The following VMP1 variants were observed in gnomAD, a reference collection of about 807,000 sequenced individuals.
The protein encoded by VMP1 is ectopic P-granules autophagy protein 3 homolog.
VMP1 carries 11 observed loss-of-function variants against 56.0 expected under a neutral mutation model. The ratio of observed to expected loss-of-function variants is 0.20; its 90% CI spans 0.12 to 0.32. VMP1 has a LOEUF of 0.32. Ranked by LOEUF, VMP1 falls within the 10% of genes least tolerant of loss-of-function variation. The pLI is 1.00. For synonymous variants in VMP1, 149 were observed against 165.0 expected (o/e 0.90, Z 0.74); for missense variants, 296 against 490.3 (o/e 0.60, Z 3.74).
chr17:59,714,110 C>G (rs888645650), intron 1 of VMP1, among the ~76,000 whole-genome samples: 10 of 150,366 alleles, frequency 6.7e-5, no homozygotes, highest in Non-Finnish European at 1.3e-4. Context: ...ACCAGAATAC[C>G]CGAAACTGGG....
chr17:59,708,240 A>G (rs935586365), intron 1 of VMP1, among the ~76,000 whole-genome samples: 2 of 152,214 alleles, frequency 1.3e-5, no homozygotes, highest in Non-Finnish European at 2.9e-5. Flanking sequence ...GGTACAGGGT[A>G]GCCAAGGGAA....
intron 1 of VMP1, among the ~76,000 whole-genome samples, chr17:59,720,601 AT>A (rs2034351350): frequency 6.6e-6 from 1 of 152,206 alleles, no homozygotes; most frequent in Admixed American, 6.5e-5. Context: ...ATGATACTGC[AT>A]TTAAAAATAT....
At chr17:59,834,647 C>T (rs986905465) in intron 10 of VMP1, among the ~76,000 whole-genome samples, 8 of 135,672 alleles carry the variant, frequency 5.9e-5, no homozygotes, top group Non-Finnish European at 1.1e-4. Flanking sequence ...TTTTTTGAGA[C>T]GGAGTCTTGC....
intron 5 of VMP1, among the ~76,000 whole-genome samples, chr17:59,742,114 T>TC (rs1221723170): frequency 6.6e-6 from 1 of 152,182 alleles, no homozygotes; most frequent in African/African-American, 2.4e-5. Flanking sequence ...TTAAATGAGA[T>TC]CCTCACTTTA....
intron 5 of VMP1, among the ~76,000 whole-genome samples, chr17:59,744,195 T>G (rs2035333182): frequency 6.6e-6 from 1 of 151,654 alleles, no homozygotes. Context: ...GCGCGGTGGC[T>G]CATGCCTGTA....
intron 7 of VMP1, among the ~76,000 whole-genome samples, chr17:59,805,319 C>A (rs1472799997): frequency 6.6e-6 from 1 of 152,162 alleles, no homozygotes; most frequent in Non-Finnish European, 1.5e-5. Flanking sequence ...AAAATGGCTC[C>A]TTACGTGTTA....
chr17:59,731,823 C>A (rs551031574), intron 2 of VMP1, among the ~76,000 whole-genome samples: 65 of 152,160 alleles, frequency 4.3e-4, no homozygotes, highest in African/African-American at 1.5e-3. Context: ...TTTTGTAATT[C>A]TAGAAGTAGA....
intron 2 of VMP1, among the ~76,000 whole-genome samples, chr17:59,733,965 C>T (rs1183452223): frequency 6.6e-6 from 1 of 152,182 alleles, no homozygotes; most frequent in Admixed American, 6.5e-5. Flanking sequence ...TTGGAACCAA[C>T]TAGTTTGCCT....
chr17:59,735,606 CAT>C (rs2143821483), intron 3 of VMP1, 133 bp downstream of exon 3: 1 of 932,206 alleles, frequency 1.1e-6, no homozygotes, highest in African/African-American at 1.7e-5. Flanking sequence ...ACCATAGGAA[CAT>C]ATTTATTCTC....
At chr17:59,772,327 T>C (rs1354067956) in intron 6 of VMP1, among the ~76,000 whole-genome samples, 1 of 152,162 alleles carries the variant, frequency 6.6e-6, no homozygotes, top group East Asian at 1.9e-4. Flanking sequence ...ATGGATAATG[T>C]AGTTACACGT....
chr17:59,730,274 C>T (rs542879705), intron 1 of VMP1, among the ~76,000 whole-genome samples: 1 of 145,602 alleles, frequency 6.9e-6, no homozygotes, highest in East Asian at 2.0e-4. Flanking sequence ...TTTTCACTTT[C>T]TTTTTTTTTT....
At chr17:59,732,690 C>CTT (rs1254499852) in intron 2 of VMP1, among the ~76,000 whole-genome samples, 1 of 152,194 alleles carries the variant, frequency 6.6e-6, no homozygotes, top group African/African-American at 2.4e-5. Flanking sequence ...ATCATAGTGT[C>CTT]TTCCCATTAG....
chr17:59,733,063 C>T (rs2034893045), intron 2 of VMP1, among the ~76,000 whole-genome samples: 1 of 152,070 alleles, frequency 6.6e-6, no homozygotes, highest in Non-Finnish European at 1.5e-5. Context: ...TAGCTAGCTA[C>T]TCAAGTTCTA....
At chr17:59,784,142 T>A (rs2665391) in intron 7 of VMP1, among the ~76,000 whole-genome samples, 80,367 of 130,284 alleles carry the variant, frequency 0.62, 24,987 homozygotes, top group Admixed American at 0.66. Flanking sequence ...TGTGTGTGTG[T>A]GAGAGAGAGA....
intron 5 of VMP1, among the ~76,000 whole-genome samples, chr17:59,751,667 G>A (rs944691612): frequency 4.0e-5 from 6 of 149,518 alleles, no homozygotes; most frequent in Non-Finnish European, 3.0e-5. Flanking sequence ...TTGTTTGAAC[G>A]GGGGAGGCAG....
intron 10 of VMP1, among the ~76,000 whole-genome samples, chr17:59,827,181 G>A (rs1271687129): frequency 6.6e-6 from 1 of 151,608 alleles, no homozygotes; most frequent in Non-Finnish European, 1.5e-5. Flanking sequence ...TTTGAGACAG[G>A]GTCTCGCTGT....
Position 59,745,203 on chromosome 17 carries a change from G to A in VMP1, c.414+6256G>A, listed in dbSNP as rs374464279. Among the ~76,000 whole-genome samples the A allele has an allele frequency of 2.6e-5, 4 of 152,232 alleles. No individual in the cohort carries two copies. In the East Asian group the frequency reaches 5.8e-4, roughly 22 times the overall value. On this transcript the variant is annotated intron_variant, in intron 5 of 11. Coordinates refer to ENST00000262291, the MANE Select transcript of VMP1 (RefSeq NM_030938.5). The stretch of plus-strand genomic sequence containing the variant: ...AGATGTTGCTTGAGATCTTTGTGTT[G>A]TTTGTTATTACGTCATAATCTAACC...
intron 10 of VMP1, among the ~76,000 whole-genome samples, chr17:59,833,603 T>C (rs1368055895): frequency 6.6e-6 from 1 of 152,176 alleles, no homozygotes; most frequent in African/African-American, 2.4e-5. Flanking sequence ...ACATAACAAA[T>C]TGGTATATTA....
chr17:59,749,488 G>A (rs2035560394), intron 5 of VMP1, among the ~76,000 whole-genome samples: 4 of 151,826 alleles, frequency 2.6e-5, no homozygotes, highest in South Asian at 2.1e-4. Context: ...AACTTTCACC[G>A]GTACTGAAGC....
Sources: allele counts gnomAD v4.1 joint callset (sites outside exome capture counted in the v4.1 genomes callset), GRCh38; gene constraint gnomAD v4.1.1; transcripts MANE v1.5; gene names NCBI Gene and HGNC (gene_info 2026-07-23, HGNC 2026-07-21).